Variants in DIS3L2 observed in about 807,000 individuals in gnomAD.
The protein encoded by DIS3L2 is DIS3-like exonuclease 2.
A neutral mutation model predicts 97.5 loss-of-function variants in DIS3L2; 34 were observed. That is an observed-to-expected ratio of 0.35 (90% CI 0.27 to 0.46). DIS3L2 has a LOEUF of 0.46. Ranked by LOEUF, DIS3L2 falls within the 20% of genes least tolerant of loss-of-function variation. The pLI is 1.00. For missense variants in DIS3L2, 1,038 were observed against 1,146.0 expected (o/e 0.91, Z 1.36); for synonymous variants, 435 against 445.2 (o/e 0.98, Z 0.29).
At chr2:232,029,428 G>T (rs1694744889) in intron 4 of DIS3L2, among the ~76,000 whole-genome samples, 1 of 152,050 alleles carries the variant, frequency 6.6e-6, no homozygotes, top group Non-Finnish European at 1.5e-5. Context: ...GTTCACTGGG[G>T]AGCCACATTA....
intron 13 of DIS3L2, among the ~76,000 whole-genome samples, chr2:232,287,211 A>G (rs1694456569): frequency 6.6e-6 from 1 of 152,156 alleles, no homozygotes; most frequent in Non-Finnish European, 1.5e-5. Flanking sequence ...ACATTCCCCT[A>G]AGATTATTGT....
Position 232,335,769 on chromosome 2 carries a change from C to T in DIS3L2, c.2395-4C>T. On this transcript the variant is annotated splice_polypyrimidine_tract_variant and splice_region_variant and intron_variant, in intron 19 of 20. Coordinates refer to ENST00000325385, the MANE Select transcript of DIS3L2 (RefSeq NM_152383.5). Reference sequence around the variant, plus strand: ...AGGCCTGAGGCTTGGTGTTTGCACTCCAGGCACTGGCCCTGCGGTCCCACC... The same window carrying T: ...AGGCCTGAGGCTTGGTGTTTGCACTTCAGGCACTGGCCCTGCGGTCCCACC... 1 of 1,550,314 alleles carries T rather than the reference C, an allele frequency of 6.5e-7. No individual in the cohort carries two copies. Among genetic ancestry groups the T allele is most frequent in the Non-Finnish European group, 8.7e-7 (1 of 1,146,930 alleles).
At chr2:232,114,495 G>A (rs921767805) in intron 6 of DIS3L2, among the ~76,000 whole-genome samples, 3 of 152,166 alleles carry the variant, frequency 2.0e-5, no homozygotes, top group South Asian at 2.1e-4. Context: ...GTGATTATAT[G>A]TTGATTTGAG....
chr2:232,049,027 A>G (rs565849451), intron 5 of DIS3L2, among the ~76,000 whole-genome samples: 5 of 152,340 alleles, frequency 3.3e-5, no homozygotes, highest in African/African-American at 1.2e-4. Flanking sequence ...TTTACGTACC[A>G]TAAACATCTC....
chr2:232,030,961 A>G (rs1694789544), intron 5 of DIS3L2, among the ~76,000 whole-genome samples: 1 of 152,124 alleles, frequency 6.6e-6, no homozygotes, highest in Non-Finnish European at 1.5e-5. Context: ...AATACGTGTT[A>G]TAGAGTAGTG....
chr2:232,088,030 C>T (rs1248131317), intron 6 of DIS3L2, among the ~76,000 whole-genome samples: 4 of 152,182 alleles, frequency 2.6e-5, no homozygotes, highest in African/African-American at 9.7e-5. Flanking sequence ...GATGTGAACA[C>T]AATTAAACTG....
At chr2:232,075,796 C>T (rs1007548320) in intron 5 of DIS3L2, among the ~76,000 whole-genome samples, 2 of 152,168 alleles carry the variant, frequency 1.3e-5, no homozygotes, top group Non-Finnish European at 2.9e-5. Flanking sequence ...GATGTAAAGG[C>T]TCCCAACTGA....
At chr2:231,984,104 T>C (rs953055397) in intron 1 of DIS3L2, among the ~76,000 whole-genome samples, 1 of 151,980 alleles carries the variant, frequency 6.6e-6, no homozygotes, top group Non-Finnish European at 1.5e-5. Context: ...TCATTTCTAA[T>C]ATTTATATCA....
At chr2:232,006,539 T>G (rs147341239) in intron 1 of DIS3L2, among the ~76,000 whole-genome samples, 70 of 152,300 alleles carry the variant, frequency 4.6e-4, no homozygotes, top group African/African-American at 1.5e-3. Context: ...AGGAGAATAA[T>G]AAATTGAATT....
At chr2:232,315,904 C>T (rs1357433097) in intron 14 of DIS3L2, among the ~76,000 whole-genome samples, 1 of 152,204 alleles carries the variant, frequency 6.6e-6, no homozygotes, top group East Asian at 1.9e-4. Context: ...ACCCCCAAGC[C>T]AACCCCATGT....
chr2:232,006,138 G>T (rs762139253), intron 1 of DIS3L2, among the ~76,000 whole-genome samples: 34 of 152,244 alleles, frequency 2.2e-4, no homozygotes, highest in Non-Finnish European at 4.3e-4. Context: ...AGTGAGCCAA[G>T]ATCGTGTCAC....
intron 5 of DIS3L2, among the ~76,000 whole-genome samples, chr2:232,049,242 C>G (rs74856900): frequency 0.019 from 2,864 of 151,740 alleles, 90 homozygotes; most frequent in African/African-American, 0.065. Flanking sequence ...CTTTTTATTT[C>G]TTAAGATTGT....
chr2:232,202,107 T>C (rs1691908791), intron 9 of DIS3L2, among the ~76,000 whole-genome samples: 1 of 152,168 alleles, frequency 6.6e-6, no homozygotes, highest in Non-Finnish European at 1.5e-5. Flanking sequence ...TGTTGTTTTT[T>C]TAAAGTATAA....
chr2:232,100,835 A>ATG (rs1299333998), intron 6 of DIS3L2, among the ~76,000 whole-genome samples: 2 of 108,848 alleles, frequency 1.8e-5, no homozygotes, highest in African/African-American at 6.0e-5. Flanking sequence ...GTGTGTATAT[A>ATG]TATCTCCACA....
At chr2:232,052,385 C>A (rs182606047) in intron 5 of DIS3L2, among the ~76,000 whole-genome samples, 19 of 152,270 alleles carry the variant, frequency 1.2e-4, no homozygotes, top group African/African-American at 4.3e-4. Context: ...TTCAGTTGAT[C>A]CAGGATGGTC....
intron 3 of DIS3L2, among the ~76,000 whole-genome samples, chr2:232,019,598 A>G (rs1380476528): frequency 6.7e-6 from 1 of 149,180 alleles, no homozygotes; most frequent in Non-Finnish European, 1.5e-5. Flanking sequence ...GCTGGAGAAT[A>G]CTTGGGGATG....
At chr2:232,073,163 G>A (rs1022440371) in intron 5 of DIS3L2, among the ~76,000 whole-genome samples, 1 of 152,206 alleles carries the variant, frequency 6.6e-6, no homozygotes, top group African/African-American at 2.4e-5. Flanking sequence ...TTCCTGAACA[G>A]TGTATTATCC....
intron 13 of DIS3L2, among the ~76,000 whole-genome samples, chr2:232,284,515 T>A (rs1694376133): frequency 6.6e-6 from 1 of 152,278 alleles, no homozygotes; most frequent in Admixed American, 6.5e-5. Flanking sequence ...CAATCTCTTG[T>A]GTATTCATGG....
At chr2:232,236,174 T>A (rs1353203215) in intron 10 of DIS3L2, among the ~76,000 whole-genome samples, 1 of 152,154 alleles carries the variant, frequency 6.6e-6, no homozygotes, top group Non-Finnish European at 1.5e-5. Flanking sequence ...CTGAACCCCT[T>A]TTTTCAAGCA....
Sources: allele counts gnomAD v4.1 joint callset (sites outside exome capture counted in the v4.1 genomes callset), GRCh38; gene constraint gnomAD v4.1.1; transcripts MANE v1.5; gene names NCBI Gene and HGNC (gene_info 2026-07-23, HGNC 2026-07-21).